The following DENND4A variants were observed in gnomAD, a reference collection of about 807,000 sequenced individuals.
The protein encoded by DENND4A is C-myc promoter-binding protein.
A neutral mutation model predicts 199.3 loss-of-function variants in DENND4A; 70 were observed. The observed-to-expected ratio is 0.35, with a 90% confidence interval of 0.29 to 0.43. DENND4A has a LOEUF of 0.43. Ranked by LOEUF, DENND4A falls within the 20% of genes least tolerant of loss-of-function variation. The pLI is 1.00. For synonymous variants in DENND4A, 686 were observed against 766.9 expected (o/e 0.89, Z 1.74); for missense variants, 1,723 against 2,255.8 (o/e 0.76, Z 4.78).
In DENND4A at chr15:65,737,940, A is replaced by G. The variant is rs1336596751; in HGVS notation, c.807T>C (p.Tyr269=). The G allele has an allele frequency of 1.9e-6, 3 of 1,579,416 alleles. No homozygotes were observed. Among genetic ancestry groups the G allele is most frequent in the Admixed American group, 1.8e-5 (1 of 54,682 alleles). The change falls in exon 7 of 33, where the codon TAT becomes TAC. Residue 269 remains tyrosine, a synonymous_variant. Coordinates refer to ENST00000443035, the MANE Select transcript of DENND4A (RefSeq NM_001320835.1). ...VLTGASAEKV[Y]GAAIQFYEPY... is the part of the protein sequence containing the mutation. ...GTTCATAAAACTGAATAGCAGCACC[A>G]TAAACCTGCAAAACAAGTAATATAT...
At chr15:65,775,095 A>T (rs1410176365) in intron 1 of DENND4A, among the ~76,000 whole-genome samples, 1 of 152,138 alleles carries the variant, frequency 6.6e-6, no homozygotes, top group African/African-American at 2.4e-5. Context: ...CACTGCATGA[A>T]GGTCCAGGCT....
At chr15:65,673,312 T>C (rs1038578669) in intron 24 of DENND4A, among the ~76,000 whole-genome samples, 1 of 151,510 alleles carries the variant, frequency 6.6e-6, no homozygotes, top group Non-Finnish European at 1.5e-5. Context: ...CTACAAAAAA[T>C]ACAAAAAAAG....
At chr15:65,714,122 T>C (rs1343505327) in intron 14 of DENND4A, among the ~76,000 whole-genome samples, 1 of 152,120 alleles carries the variant, frequency 6.6e-6, no homozygotes, top group Admixed American at 6.5e-5. Flanking sequence ...AGAAACTTTA[T>C]TATCTTTGGC....
chr15:65,689,313 T>C (rs935309165), intron 23 of DENND4A, among the ~76,000 whole-genome samples: 1 of 152,242 alleles, frequency 6.6e-6, no homozygotes, highest in African/African-American at 2.4e-5. Context: ...CTTGAGGGTC[T>C]CTTTCCGTTA....
In DENND4A at chr15:65,670,019, G is replaced by A; in HGVS notation, c.4634C>T (p.Pro1545Leu). Residue 1545 changes from proline (P) to leucine (L), a missense_variant, in exon 26 of 33, where the codon CCT becomes CTT. Around this residue, in one of 6 missense-constraint regions of DENND4A, gnomAD observed 141 missense variants for 170.7 expected, o/e 0.83. Coordinates refer to ENST00000443035, the MANE Select transcript of DENND4A (RefSeq NM_001320835.1). ...AGGAAAAAAATATCATTACCTTCCA[G>A]GTCGTCTTAAATCTCTTATTTCTAT... ...LNIEIRDLRR[P>L]GRYFLKSSPS... The A allele has an allele frequency of 6.3e-7, 1 of 1,592,486 alleles. No individual in the cohort carries two copies. Among genetic ancestry groups the A allele is most frequent in the Non-Finnish European group, 8.6e-7 (1 of 1,167,630 alleles).
Position 65,741,021 on chromosome 15 carries a change from G to A in DENND4A, c.631+694C>T, listed in dbSNP as rs191088417. 5.3e-3 allele frequency among the ~76,000 whole-genome samples: 802 copies of A among 151,880 alleles called. 9 individuals carry two copies. Among genetic ancestry groups the A allele is most frequent in the African/African-American group, 0.017 (702 of 41,394 alleles). ...TGAGTCTAGAACTCTAAACACACAC[G>A]TATATAAATGTATATGTATATATGT... On this transcript the variant is annotated intron_variant, in intron 5 of 32. Coordinates refer to ENST00000443035, the MANE Select transcript of DENND4A (RefSeq NM_001320835.1).
At chr15:65,772,697 ACTC>A (rs1265946640) in intron 1 of DENND4A, among the ~76,000 whole-genome samples, 2 of 100,742 alleles carry the variant, frequency 2.0e-5, no homozygotes, top group Non-Finnish European at 3.8e-5. Flanking sequence ...ACAAAATGAG[ACTC>A]CGTCTCAAAA....
intron 1 of DENND4A, among the ~76,000 whole-genome samples, chr15:65,764,197 T>C (rs2076923938): frequency 6.6e-6 from 1 of 152,154 alleles, no homozygotes. Flanking sequence ...TTAATATTTG[T>C]ATCATTATTC....
chr15:65,761,248 T>C (rs1490863245), intron 2 of DENND4A, 112 bp downstream of exon 2: 3 of 152,194 alleles, frequency 2.0e-5, no homozygotes, highest in African/African-American at 7.2e-5. Flanking sequence ...AATTATTACA[T>C]GGAGAATATA....
intron 1 of DENND4A, among the ~76,000 whole-genome samples, chr15:65,765,924 A>C (rs1249594888): frequency 6.6e-6 from 1 of 152,204 alleles, no homozygotes; most frequent in Non-Finnish European, 1.5e-5. Context: ...TGAAATGCAG[A>C]GATATATTTC....
At chr15:65,668,464 C>A (rs924089028) in intron 27 of DENND4A, among the ~76,000 whole-genome samples, 6 of 152,082 alleles carry the variant, frequency 3.9e-5, no homozygotes, top group Non-Finnish European at 8.8e-5. Flanking sequence ...CCACCTCGGC[C>A]TCCCAAAGTG....
intron 11 of DENND4A, among the ~76,000 whole-genome samples, chr15:65,723,412 C>T (rs899963976): frequency 1.3e-5 from 2 of 152,214 alleles, no homozygotes; most frequent in African/African-American, 4.8e-5. Context: ...TATTTAAATA[C>T]TTAGTTTCTT....
chr15:65,664,209 T>C (rs1031255443), intron 32 of DENND4A, 121 bp downstream of exon 32: 1 of 610,048 alleles, frequency 1.6e-6, no homozygotes, highest in Non-Finnish European at 2.7e-6. Context: ...CAACAACTAA[T>C]CTACCTTTAT....
chr15:65,664,594 T>C lies in DENND4A; in HGVS notation c.5488A>G (p.Thr1830Ala). The part of the protein sequence containing the change: ...VYGPMSQILE[T>A]LNKCPHFKRQ... ...TTAAAATGTGGACACTTATTCAGTG[T>C]CTCTAAAATCTGACTCATTGGTCCA... Residue 1830 changes from threonine (T) to alanine (A), a missense_variant, in exon 31 of 33, where the codon ACA becomes GCA. By Grantham distance (58) the Thr-to-Ala change is moderately conservative. Around this residue, in one of 6 missense-constraint regions of DENND4A, gnomAD observed 164 missense variants for 280.1 expected, o/e 0.59. Coordinates refer to ENST00000443035, the MANE Select transcript of DENND4A (RefSeq NM_001320835.1). 1 of 1,612,924 alleles carries C rather than the reference T, an allele frequency of 6.2e-7. No homozygotes were observed. The highest frequency in any genetic ancestry group is 8.5e-7 in the Non-Finnish European group (1 of 1,179,292).
At chr15:65,669,664 A>C in intron 27 of DENND4A, 115 bp downstream of exon 27, 1 of 844,312 alleles carries the variant, frequency 1.2e-6, no homozygotes, top group African/African-American at 1.7e-5. Flanking sequence ...AAGATTATGA[A>C]TCTGTTATTC....
intron 23 of DENND4A, among the ~76,000 whole-genome samples, chr15:65,687,188 C>T (rs973768789): frequency 6.6e-6 from 1 of 152,022 alleles, no homozygotes; most frequent in Non-Finnish European, 1.5e-5. Context: ...CTCAGTGCTC[C>T]AGGGATTACA....
chr15:65,737,783 A>C lies in DENND4A; in HGVS notation c.964T>G (p.Phe322Val), dbSNP rs1366026528. The change falls in exon 7 of 33, where the codon TTT (phenylalanine) becomes GTT (valine). Residue 322 changes from phenylalanine to valine, a missense_variant. Physicochemically the swap from Phe to Val is conservative, Grantham distance 50. Coordinates refer to ENST00000443035, the MANE Select transcript of DENND4A (RefSeq NM_001320835.1). ...GTCAGAAACTTCCTGAATGCATCAA[A>C]AAAAGGCCAGTGAGAAAGAAGACAG... ...CICLLSHWPF[F>V]DAFRKFLTFL... 6.3e-7 allele frequency: 1 copy of C among 1,595,234 alleles called. No homozygotes were observed. Among genetic ancestry groups the C allele is most frequent in the Non-Finnish European group, 8.5e-7 (1 of 1,170,332 alleles).
intron 23 of DENND4A, among the ~76,000 whole-genome samples, chr15:65,682,097 A>G (rs1327076157): frequency 6.6e-6 from 1 of 152,176 alleles, no homozygotes; most frequent in Non-Finnish European, 1.5e-5. Context: ...GTAGATGAGC[A>G]TTGGCTTAAT....
At chr15:65,738,561 T>A in intron 6 of DENND4A, 145 bp downstream of exon 6, 7 of 648,310 alleles carry the variant, frequency 1.1e-5, no homozygotes, top group Non-Finnish European at 2.4e-6. Context: ...TTTTCCTATG[T>A]CCCTGGATAC....
Sources: allele counts gnomAD v4.1 joint callset (sites outside exome capture counted in the v4.1 genomes callset), GRCh38; gene constraint gnomAD v4.1.1; regional missense constraint gnomAD v4.1.1; transcripts MANE v1.5; gene names NCBI Gene and HGNC (gene_info 2026-07-23, HGNC 2026-07-21).